Variants in NTM observed in about 807,000 individuals in gnomAD.
NTM encodes IgLON family member 2.
A neutral mutation model predicts 42.1 loss-of-function variants in NTM; 13 were observed. That is an observed-to-expected ratio of 0.31 (90% CI 0.20 to 0.49). NTM has a LOEUF of 0.49. NTM is among the 20% of genes least tolerant of loss of function. The pLI, the probability that NTM is intolerant of heterozygous loss-of-function variation, is 0.99. For synonymous variants in NTM, 187 were observed against 179.2 expected (o/e 1.04, Z -0.35); for missense variants, 373 against 452.8 (o/e 0.82, Z 1.60).
chr11:131,751,507 G>A (rs7930656), intron 1 of NTM, among the ~76,000 whole-genome samples: 30,230 of 151,416 alleles, frequency 0.2, 4,494 homozygotes, highest in African/African-American at 0.42. Context: ...GGAGAATGGC[G>A]TGAACCTGGG....
At chr11:131,510,791 A>G (rs2048129496) in intron 1 of NTM, among the ~76,000 whole-genome samples, 1 of 152,076 alleles carries the variant, frequency 6.6e-6, no homozygotes, top group South Asian at 2.1e-4. Context: ...CCCCAGTTGG[A>G]GTCCACCGGG....
intron 1 of NTM, chr11:131,795,965 G>A (rs1329645897): frequency 1.0e-6 from 1 of 983,802 alleles, no homozygotes. Flanking sequence ...ATTCCAGATG[G>A]GAGGAAGGGA....
intron 1 of NTM, among the ~76,000 whole-genome samples, chr11:131,806,926 T>G (rs1731075387): frequency 1.3e-5 from 2 of 152,280 alleles, no homozygotes; most frequent in East Asian, 3.9e-4. Context: ...GTTATTAGGG[T>G]ATAAATATTG....
chr11:132,077,943 A>C (rs2136240826), intron 2 of NTM, among the ~76,000 whole-genome samples: 1 of 152,332 alleles, frequency 6.6e-6, no homozygotes, highest in African/African-American at 2.4e-5. Context: ...ACGTATATTT[A>C]TTGGCAAGTT....
At chr11:131,510,068 G>T (rs2048032280) in intron 1 of NTM, among the ~76,000 whole-genome samples, 1 of 152,164 alleles carries the variant, frequency 6.6e-6, no homozygotes, top group African/African-American at 2.4e-5. Context: ...GCTCCTGGCG[G>T]TGCCTGTGGA....
At chr11:131,828,845 C>A (rs75992486) in intron 1 of NTM, among the ~76,000 whole-genome samples, 3,466 of 152,244 alleles carry the variant, frequency 0.023, 124 homozygotes, top group African/African-American at 0.078. Flanking sequence ...AATTGAAACT[C>A]TTTATTCAGT....
At position 132,198,814 on chromosome 11, in the gene NTM, T is replaced by C. The variant is rs374747882; in HGVS notation, c.401-13208T>C. 3.9e-4 allele frequency among the ~76,000 whole-genome samples: 60 copies of C among 152,352 alleles called. 3 individuals are homozygous for C. Among genetic ancestry groups the C allele is most frequent in the African/African-American group, 1.4e-3 (57 of 41,576 alleles). ...GAGGAGTGCCTAATGTCTCAGGACA[T>C]GTACTTTAAAATTTATTCTGTGGGT... On this transcript the variant is annotated intron_variant, in intron 3 of 8. Coordinates refer to ENST00000683400, the MANE Select transcript of NTM (RefSeq NM_001352005.2).
intron 1 of NTM, among the ~76,000 whole-genome samples, chr11:131,600,753 G>A (rs934941181): frequency 2.0e-5 from 3 of 152,160 alleles, no homozygotes; most frequent in African/African-American, 7.2e-5. Context: ...AGGTTTGCCT[G>A]TCCAGACACA....
At chr11:131,936,117 TA>T (rs1164521820) in intron 2 of NTM, among the ~76,000 whole-genome samples, 1 of 152,204 alleles carries the variant, frequency 6.6e-6, no homozygotes, top group African/African-American at 2.4e-5. Flanking sequence ...AGCAACATTT[TA>T]AAACATGCAA....
At chr11:132,196,404 T>C (rs2080218539) in intron 3 of NTM, among the ~76,000 whole-genome samples, 1 of 152,054 alleles carries the variant, frequency 6.6e-6, no homozygotes, top group Non-Finnish European at 1.5e-5. Context: ...TTCAAAGGAC[T>C]TAGAACTACC....
At chr11:131,398,351 G>A (rs935347368) in intron 1 of NTM, among the ~76,000 whole-genome samples, 3 of 152,002 alleles carry the variant, frequency 2.0e-5, no homozygotes, top group Non-Finnish European at 4.4e-5. Context: ...ACCATACAAA[G>A]GAAGCTTTAA....
At chr11:132,099,959 C>T (rs1231357814) in intron 2 of NTM, among the ~76,000 whole-genome samples, 2 of 152,066 alleles carry the variant, frequency 1.3e-5, no homozygotes, top group African/African-American at 2.4e-5. Flanking sequence ...ATTTCCTTCC[C>T]CCACTTTGCA....
intron 4 of NTM, among the ~76,000 whole-genome samples, chr11:132,240,359 A>G (rs1016411749): frequency 2.0e-5 from 3 of 152,198 alleles, no homozygotes; most frequent in African/African-American, 7.2e-5. Context: ...ACAGAGTGGA[A>G]TCTAGCAGAA....
chr11:132,203,040 G>A (rs538649174), intron 3 of NTM, among the ~76,000 whole-genome samples: 1 of 152,312 alleles, frequency 6.6e-6, no homozygotes, highest in South Asian at 2.1e-4. Context: ...AATTCTGATT[G>A]ACTGTAATCT....
At chr11:131,630,801 G>A (rs559865478) in intron 1 of NTM, among the ~76,000 whole-genome samples, 1 of 152,220 alleles carries the variant, frequency 6.6e-6, no homozygotes, top group South Asian at 2.1e-4. Context: ...TTATTGAATA[G>A]TTTTCTCTCC....
At chr11:131,554,846 C>G (rs1220737586) in intron 1 of NTM, among the ~76,000 whole-genome samples, 1 of 152,184 alleles carries the variant, frequency 6.6e-6, no homozygotes, top group Non-Finnish European at 1.5e-5. Context: ...AAGACATCAT[C>G]TCCCAGCTCT....
chr11:131,407,622 CTATT>C (rs1945938888), intron 1 of NTM, among the ~76,000 whole-genome samples: 1 of 152,204 alleles, frequency 6.6e-6, no homozygotes, highest in Admixed American at 6.5e-5. Flanking sequence ...CCCTTGCACT[CTATT>C]TGGGCTTTGT....
chr11:132,285,171 G>A (rs1211009831), intron 4 of NTM: 2 of 152,612 alleles, frequency 1.3e-5, no homozygotes, highest in Admixed American at 6.5e-5. Flanking sequence ...GGCATCCTCA[G>A]TAGTGCTCTC....
At chr11:131,819,442 G>T (rs960708728) in intron 1 of NTM, among the ~76,000 whole-genome samples, 6 of 152,088 alleles carry the variant, frequency 3.9e-5, no homozygotes, top group African/African-American at 1.4e-4. Flanking sequence ...TCACATACCC[G>T]CTCACTCATT....
Sources: gnomAD v4.1 joint callset for allele counts (sites outside exome capture counted in the v4.1 genomes callset) on GRCh38, gnomAD v4.1.1 for gene constraint, MANE v1.5 for transcripts, NCBI Gene and HGNC (gene_info 2026-07-23, HGNC 2026-07-21) for gene names.